Variants in RALYL observed in about 807,000 individuals in gnomAD.
RALYL encodes the protein RALY RNA binding protein like, also known as RNA-binding Raly-like protein.
In RALYL, 29 loss-of-function variants were observed where a neutral mutation model predicts 35.1. The ratio of observed to expected loss-of-function variants is 0.83; its 90% CI spans 0.61 to 1.13. The LOEUF is 1.13. RALYL is among the 50% of genes most tolerant of loss of function. The pLI is 0.00. For synonymous variants in RALYL, 120 were observed against 127.6 expected (o/e 0.94, Z 0.40); for missense variants, 359 against 360.4 (o/e 1.00, Z 0.03).
chr8:84,637,895 T>C (rs1025762763), intron 2 of RALYL, among the ~76,000 whole-genome samples: 4 of 151,888 alleles, frequency 2.6e-5, no homozygotes, highest in African/African-American at 9.7e-5. Flanking sequence ...TAAGGGAGTG[T>C]ATGGTAAGAA....
At chr8:84,331,462 T>G (rs2130706650) in intron 1 of RALYL, among the ~76,000 whole-genome samples, 1 of 152,228 alleles carries the variant, frequency 6.6e-6, no homozygotes, top group African/African-American at 2.4e-5. Context: ...AAATAATTAC[T>G]ATCTTAGACT....
At chr8:84,919,678 A>G (rs1849021363) in intron 8 of RALYL, among the ~76,000 whole-genome samples, 1 of 152,134 alleles carries the variant, frequency 6.6e-6, no homozygotes, top group Non-Finnish European at 1.5e-5. Flanking sequence ...GAAAGAGAAT[A>G]TATCAAAATA....
At chr8:84,649,303 C>T (rs972485165) in intron 2 of RALYL, among the ~76,000 whole-genome samples, 2 of 151,958 alleles carry the variant, frequency 1.3e-5, no homozygotes, top group Middle Eastern at 3.4e-3. Context: ...CATTTGTCAA[C>T]TTTGGCTTTT....
At chr8:84,633,725 A>G (rs1824428661) in intron 2 of RALYL, among the ~76,000 whole-genome samples, 1 of 151,850 alleles carries the variant, frequency 6.6e-6, no homozygotes, top group African/African-American at 2.4e-5. Flanking sequence ...TGCAAACTGT[A>G]TGGGTCATAT....
chr8:84,858,976 G>A (rs1044128004), intron 5 of RALYL, among the ~76,000 whole-genome samples: 1 of 152,118 alleles, frequency 6.6e-6, no homozygotes, highest in African/African-American at 2.4e-5. Flanking sequence ...ACTGGTGGAG[G>A]ATGTCCAGGT....
chr8:84,515,787 C>T (rs571998201), intron 1 of RALYL, among the ~76,000 whole-genome samples: 52 of 152,054 alleles, frequency 3.4e-4, no homozygotes, highest in African/African-American at 1.2e-3. Flanking sequence ...ATTTTTCCAG[C>T]CCAAGAGGTA....
intron 1 of RALYL, among the ~76,000 whole-genome samples, chr8:84,286,387 G>T (rs942850631): frequency 2.0e-5 from 3 of 152,220 alleles, no homozygotes; most frequent in Non-Finnish European, 4.4e-5. Flanking sequence ...TGAGGCAAGA[G>T]AATGTTAGGG....
intron 2 of RALYL, among the ~76,000 whole-genome samples, chr8:84,657,449 A>G (rs1830162580): frequency 6.6e-6 from 1 of 152,210 alleles, no homozygotes; most frequent in Non-Finnish European, 1.5e-5. Context: ...GTTTTTTAGA[A>G]TATTTCTTGT....
chr8:84,261,428 G>A (rs549211270), intron 1 of RALYL, among the ~76,000 whole-genome samples: 1 of 152,128 alleles, frequency 6.6e-6, no homozygotes, highest in East Asian at 1.9e-4. Flanking sequence ...GTTTTACAAT[G>A]GACTTCTCCC....
At chr8:84,576,063 A>G (rs962473789) in intron 2 of RALYL, among the ~76,000 whole-genome samples, 4 of 152,190 alleles carry the variant, frequency 2.6e-5, no homozygotes, top group Admixed American at 1.3e-4. Context: ...TTACAATGGC[A>G]TAGCCAATGG....
intron 1 of RALYL, among the ~76,000 whole-genome samples, chr8:84,444,611 T>C (rs78798563): frequency 6.6e-6 from 1 of 151,968 alleles, no homozygotes; most frequent in African/African-American, 2.4e-5. Context: ...GTACTGAAAC[T>C]ATGGAAGAAG....
chr8:84,891,104 G>C (rs1332589869), intron 8 of RALYL, among the ~76,000 whole-genome samples: 2 of 152,156 alleles, frequency 1.3e-5, no homozygotes, highest in Non-Finnish European at 2.9e-5. Context: ...GGGAGGGAGT[G>C]ATAGAAGTGG....
intron 1 of RALYL, among the ~76,000 whole-genome samples, chr8:84,191,243 C>A (rs1017112391): frequency 6.6e-6 from 1 of 150,492 alleles, no homozygotes; most frequent in Non-Finnish European, 1.5e-5. Flanking sequence ...AATAGGAAGA[C>A]CAGTAGGAAG....
At chr8:84,799,276 A>T (rs1400943019) in intron 3 of RALYL, among the ~76,000 whole-genome samples, 1 of 152,236 alleles carries the variant, frequency 6.6e-6, no homozygotes, top group Non-Finnish European at 1.5e-5. Flanking sequence ...GAAAATAGTT[A>T]TGAAGTACCA....
chr8:84,840,071 C>T (rs1164368568), intron 4 of RALYL, among the ~76,000 whole-genome samples: 1 of 152,180 alleles, frequency 6.6e-6, no homozygotes, highest in East Asian at 1.9e-4. Context: ...CTCTCCTCCT[C>T]CAAAGGAACG....
chr8:84,319,667 C>G (rs1196018833), intron 1 of RALYL, among the ~76,000 whole-genome samples: 1 of 152,002 alleles, frequency 6.6e-6, no homozygotes, highest in Non-Finnish European at 1.5e-5. Context: ...TTAATATTTG[C>G]TAAGTGTAAG....
intron 4 of RALYL, among the ~76,000 whole-genome samples, chr8:84,849,702 G>A (rs1835424709): frequency 6.6e-6 from 1 of 151,988 alleles, no homozygotes; most frequent in Non-Finnish European, 1.5e-5. Context: ...GGGACTACAG[G>A]CGCCCGAAAA....
In RALYL at chr8:84,347,785, A is replaced by G. The variant is rs145074585; in HGVS notation, c.-24+163361A>G. Reference sequence around the variant, plus strand: ...AAAACTCCAGCCTCTGCACAGGATTAGCATCAGCAGCTTTGCCTCTTAGGC... The same window carrying G: ...AAAACTCCAGCCTCTGCACAGGATTGGCATCAGCAGCTTTGCCTCTTAGGC... On this transcript the variant is annotated intron_variant, in intron 1 of 8. Transcript: ENST00000521268. Among the ~76,000 whole-genome samples the G allele has an allele frequency of 3.3e-3, 503 of 152,274 alleles. 4 individuals carry two copies. The highest frequency in any genetic ancestry group is 0.012 in the African/African-American group (491 of 41,566).
In RALYL at chr8:84,914,543, G is replaced by T. The variant is rs537279515; in HGVS notation, c.859-6351G>T. On this transcript the variant is annotated intron_variant, in intron 8 of 8. Coordinates refer to ENST00000521268, the MANE Select transcript of RALYL (RefSeq NM_173848.7). The stretch of plus-strand genomic sequence containing the variant: ...AAATAAGAGAAATGTTAATGTATGT[G>T]TAAGAGAACATCCAAGCAATGTGAC... Among the ~76,000 whole-genome samples the T allele has an allele frequency of 2.3e-4, 35 of 152,042 alleles. No homozygotes were observed. In the South Asian group the frequency reaches 6.8e-3, roughly 30 times the overall value.
Sources: allele counts gnomAD v4.1 joint callset (sites outside exome capture counted in the v4.1 genomes callset), GRCh38; gene constraint gnomAD v4.1.1; transcripts MANE v1.5; gene names NCBI Gene and HGNC (gene_info 2026-07-23, HGNC 2026-07-21).